Variants in VAV2 observed in about 807,000 individuals in gnomAD.
The protein encoded by VAV2 is vav guanine nucleotide exchange factor 2.
In VAV2, 67 loss-of-function variants were observed where a neutral mutation model predicts 132.5. That is an observed-to-expected ratio of 0.51 (90% confidence interval 0.42 to 0.62). VAV2 has a LOEUF of 0.62. Ranked by LOEUF, VAV2 falls within the 20% of genes least tolerant of loss-of-function variation. The probability of loss-of-function intolerance (pLI) is 0.00; values close to 1 mark genes in which losing one functional copy is unlikely to be tolerated. For synonymous variants in VAV2, 492 were observed against 443.5 expected, an observed-to-expected ratio of 1.11 and a Z score of -1.37; for missense variants, 938 against 1,153.6, an observed-to-expected ratio of 0.81 and a Z score of 2.71.
At position 133,863,185 on chromosome 9, in the gene VAV2, T is replaced by C. The variant is rs1362470664; in HGVS notation, c.322-1753A>G. Among the ~76,000 whole-genome samples the C allele has an allele frequency of 2.6e-5, 4 of 152,194 alleles. No homozygotes were observed. The highest frequency in any genetic ancestry group is 5.9e-5 in the Non-Finnish European group (4 of 68,038). ...TGAAAGCAATATTGCTGTACGTCCTTACAGTTATTTGGAAGAATGTTAGAT... is the reference window on the plus strand; with the variant it reads ...TGAAAGCAATATTGCTGTACGTCCTCACAGTTATTTGGAAGAATGTTAGAT... On this transcript the variant is annotated intron_variant, in intron 2 of 29. Coordinates refer to ENST00000371850, the MANE Select transcript of VAV2 (RefSeq NM_001134398.2). This position sits in a 1 kb window ranked among gnomAD's most constrained non-coding sequence, Gnocchi z 5.0.
rs201537956 is a variant in VAV2, at chr9:133,966,273, T to C, written c.204+25802A>G. Among the ~76,000 whole-genome samples the C allele has an allele frequency of 2.6e-5, 4 of 152,002 alleles. No individual in the cohort carries two copies. The East Asian group carries it at 5.8e-4, about 22-fold the overall frequency. On this transcript the variant is annotated intron_variant, in intron 1 of 29. Coordinates refer to ENST00000371850, the MANE Select transcript of VAV2 (RefSeq NM_001134398.2). ...AAAGCGGACAGAACAAAACGAAAAA[T>C]AGACAAATGGGATTACATCAAGCTA... is the stretch of plus-strand genomic sequence containing the variant.
intron 24 of VAV2, 50 bp downstream of exon 24, chr9:133,775,978 T>A: frequency 6.4e-7 from 1 of 1,556,584 alleles, no homozygotes. Flanking sequence ...CATGCCCCCA[T>A]AACAAAGAGG....
chr9:133,882,353 C>T (rs984849919), intron 2 of VAV2, among the ~76,000 whole-genome samples: 2 of 152,254 alleles, frequency 1.3e-5, no homozygotes, highest in African/African-American at 2.4e-5. Context: ...AACATGCTGC[C>T]GTCACAGCCA....
intron 2 of VAV2, among the ~76,000 whole-genome samples, chr9:133,894,767 AC>A (rs1451619500): frequency 6.6e-6 from 1 of 152,030 alleles, no homozygotes; most frequent in African/African-American, 2.4e-5. Flanking sequence ...CCCACCCTGG[AC>A]CCCCAGAGAA....
intron 2 of VAV2, among the ~76,000 whole-genome samples, chr9:133,898,862 C>T (rs1284717671): frequency 7.1e-6 from 1 of 140,424 alleles, no homozygotes; most frequent in Non-Finnish European, 1.5e-5. Context: ...CTCGCTGTCT[C>T]CCAGGCTGGA....
intron 2 of VAV2, among the ~76,000 whole-genome samples, chr9:133,934,971 G>T (rs1181973192): frequency 6.6e-6 from 1 of 152,158 alleles, no homozygotes; most frequent in Non-Finnish European, 1.5e-5. Flanking sequence ...AAGAGAGTCA[G>T]CTCTGCCCCT....
intron 2 of VAV2, among the ~76,000 whole-genome samples, chr9:133,898,028 C>G (rs1231972662): frequency 6.6e-6 from 1 of 152,114 alleles, no homozygotes; most frequent in East Asian, 1.9e-4. Context: ...TCTGCCCAGA[C>G]AGACCACGCA....
At chr9:133,945,499 C>A (rs910408786) in intron 1 of VAV2, among the ~76,000 whole-genome samples, 3 of 152,234 alleles carry the variant, frequency 2.0e-5, no homozygotes, top group African/African-American at 7.2e-5. Context: ...GAAATGGAGG[C>A]CCCAGAAGGC....
chr9:133,845,585 G>A (rs1397244336), intron 3 of VAV2, among the ~76,000 whole-genome samples: 1 of 152,204 alleles, frequency 6.6e-6, no homozygotes, highest in Non-Finnish European at 1.5e-5. Context: ...GAAATGAAGG[G>A]TCAGCTGGGT....
chr9:133,979,541 G>A (rs1488531414), intron 1 of VAV2, among the ~76,000 whole-genome samples: 2 of 152,210 alleles, frequency 1.3e-5, no homozygotes, highest in East Asian at 1.9e-4. Context: ...GATGTTGACA[G>A]GGAGGGAGGA....
At chr9:133,905,316 G>A (rs1426032673) in intron 2 of VAV2, among the ~76,000 whole-genome samples, 13 of 150,768 alleles carry the variant, frequency 8.6e-5, no homozygotes, top group African/African-American at 2.9e-4. Flanking sequence ...GGCACCTGTA[G>A]TCCCAGCTAC....
intron 1 of VAV2, among the ~76,000 whole-genome samples, chr9:133,980,054 C>T (rs1170177014): frequency 6.6e-6 from 1 of 152,238 alleles, no homozygotes; most frequent in Non-Finnish European, 1.5e-5. Context: ...GGGTGGAGAA[C>T]AGGCTGGGCC....
At chr9:133,906,781 G>T (rs1441674273) in intron 2 of VAV2, among the ~76,000 whole-genome samples, 1 of 152,208 alleles carries the variant, frequency 6.6e-6, no homozygotes, top group Non-Finnish European at 1.5e-5. Context: ...GGGCAGCGGG[G>T]TCCCTGCGGA....
intron 4 of VAV2, among the ~76,000 whole-genome samples, chr9:133,827,249 G>GGCTGAC (rs1836038846): frequency 5.5e-5 from 1 of 18,180 alleles, no homozygotes; most frequent in African/African-American, 1.3e-4. Flanking sequence ...TGACCACTGA[G>GGCTGAC]CGGGGGCATC....
In VAV2 at chr9:133,834,557, CA is replaced by C. The variant is rs2131782889; in HGVS notation, c.381-218del. 2.0e-5 allele frequency among the ~76,000 whole-genome samples: 3 copies of C among 152,390 alleles called. No homozygotes were observed. The highest frequency in any genetic ancestry group is 2.0e-4 in the Admixed American group (3 of 15,314). On this transcript the variant is annotated intron_variant, in intron 3 of 29. Transcript: ENST00000371850. The surrounding 1 kb of genome is among the most constrained non-coding windows in gnomAD (Gnocchi z 5.9). ...CAAGAGGAGACCCATGCCTACTTGC[CA>C]GGGGGCAAGGAATGTGTCACGCCCA... is the stretch of plus-strand genomic sequence containing the variant.
At chr9:133,791,689 C>G (rs1588179094) in intron 13 of VAV2, 94 bp downstream of exon 13, 6 of 1,108,846 alleles carry the variant, frequency 5.4e-6, no homozygotes, top group Non-Finnish European at 1.4e-6. Context: ...GGTGTGGCTG[C>G]CCATGGAGCT....
At chr9:133,848,889 C>T in intron 3 of VAV2, among the ~76,000 whole-genome samples, 1 of 152,216 alleles carries the variant, frequency 6.6e-6, no homozygotes, top group East Asian at 1.9e-4. Flanking sequence ...CCACAGTCCC[C>T]CAAGACACCA....
intron 9 of VAV2, among the ~76,000 whole-genome samples, chr9:133,798,052 C>T (rs1033536347): frequency 6.6e-6 from 1 of 152,134 alleles, no homozygotes; most frequent in Admixed American, 6.5e-5. Context: ...CTTCCTGAGT[C>T]CCAGGTGGTT....
chr9:133,913,251 G>A (rs1839944675), intron 2 of VAV2, among the ~76,000 whole-genome samples: 1 of 152,138 alleles, frequency 6.6e-6, no homozygotes, highest in African/African-American at 2.4e-5. Flanking sequence ...TGGCGCCACG[G>A]CCCCCATGAG....
Sources: gnomAD v4.1 joint callset for allele counts (sites outside exome capture counted in the v4.1 genomes callset) on GRCh38, gnomAD v4.1.1 for gene constraint, Gnocchi (gnomAD v3.1) non-coding constraint, MANE v1.5 for transcripts, NCBI Gene and HGNC (gene_info 2026-07-23, HGNC 2026-07-21) for gene names.